RABEPK: variants seen among roughly 807,000 people sequenced by gnomAD.
The protein encoded by RABEPK is Rab9 effector protein with kelch motifs, also known as 40 kDa Rab9 effector protein.
In RABEPK, 27 loss-of-function variants were observed where a neutral mutation model predicts 34.1. The observed-to-expected ratio is 0.79, with a 90% CI of 0.58 to 1.09. RABEPK has a LOEUF of 1.09. Among genes scored for constraint, RABEPK ranks in the 50% least tolerant of loss-of-function variants. The pLI, the probability that RABEPK is intolerant of heterozygous loss-of-function variation, is 0.00. For synonymous variants in RABEPK, 172 were observed against 169.2 expected (o/e 1.02, Z -0.13); for missense variants, 449 against 462.6 (o/e 0.97, Z 0.27).
Position 125,220,639 on chromosome 9 carries a change from TG to T in RABEPK, c.470del (p.Gly157AlafsTer22). On this transcript the variant is annotated frameshift_variant, in exon 5 of 8. Coordinates refer to ENST00000373538, the MANE Select transcript of RABEPK (RefSeq NM_005833.4). LOFTEE classifies it high-confidence loss of function. ...CCATTGGAAACCAGCTATATGTCTT[TG>T]GGGGCGGAGAGAGAGGTGCCCAGCC... ...AAIGNQLYVF[G>X]GGERGAQPVQ... 1.2e-6 allele frequency: 2 copies of T among 1,614,152 alleles called. No individual in the cohort carries two copies. Among genetic ancestry groups the T allele is most frequent in the Non-Finnish European group, 1.7e-6 (2 of 1,180,026 alleles).
chr9:125,230,628 C>T (rs946126689), intron 6 of RABEPK, among the ~76,000 whole-genome samples: 5 of 151,524 alleles, frequency 3.3e-5, no homozygotes, highest in Admixed American at 6.6e-5. Context: ...CTCTGCCTCC[C>T]GGGTTCATGC....
At chr9:125,207,536 C>G (rs751058444) in intron 2 of RABEPK, 28 bp from the exon 3 acceptor site, 3 of 1,606,570 alleles carry the variant, frequency 1.9e-6, no homozygotes, top group Non-Finnish European at 2.6e-6. Context: ...TCTGCTCAGG[C>G]CTCCTGAATA....
chr9:125,223,692 T>C (rs1419127132), intron 5 of RABEPK, among the ~76,000 whole-genome samples: 1 of 135,680 alleles, frequency 7.4e-6, no homozygotes. Flanking sequence ...ACCACTGCAC[T>C]CCAGCCTTTG....
At chr9:125,216,716 A>G (rs1056335102) in intron 4 of RABEPK, among the ~76,000 whole-genome samples, 2 of 152,058 alleles carry the variant, frequency 1.3e-5, no homozygotes, top group African/African-American at 4.8e-5. Flanking sequence ...TAATCCCAAC[A>G]CTTTGGGAGG....
At chr9:125,213,574 C>T in intron 4 of RABEPK, 52 bp downstream of exon 4, 5 of 1,201,288 alleles carry the variant, frequency 4.2e-6, no homozygotes, top group Non-Finnish European at 6.0e-6. Context: ...AACTTTCATG[C>T]ACACACACAC....
chr9:125,212,016 A>G (rs1021981317), intron 3 of RABEPK, among the ~76,000 whole-genome samples: 2 of 152,300 alleles, frequency 1.3e-5, no homozygotes, highest in Non-Finnish European at 2.9e-5. Flanking sequence ...CTAGCCCTCA[A>G]TTACATTAAA....
chr9:125,233,640 C>A, intron 7 of RABEPK, 48 bp from the exon 8 acceptor site: 1 of 1,576,638 alleles, frequency 6.3e-7, no homozygotes, highest in Non-Finnish European at 8.6e-7. Context: ...CCGTGCCCGG[C>A]CTATCTGGAA....
Position 125,232,671 on chromosome 9 carries a change from T to C in RABEPK, c.752T>C (p.Met251Thr). ...AGCAAHSAVA[M>T]GKHVYIFGGM... ...TGTGCTGCCCACTCAGCTGTGGCCA[T>C]GGGAAAACATGTGTACATCTTTGGT... Residue 251 changes from methionine to threonine, a missense_variant, in exon 7 of 8, where the codon ATG (methionine) becomes ACG (threonine). Physicochemically the swap from Met to Thr is moderately conservative, Grantham distance 81 (BLOSUM62 -1). Coordinates refer to ENST00000373538, the MANE Select transcript of RABEPK (RefSeq NM_005833.4). The C allele has an allele frequency of 1.2e-6, 2 of 1,614,172 alleles. No homozygotes were observed. The highest frequency in any genetic ancestry group is 1.7e-6 in the Non-Finnish European group (2 of 1,180,006).
At chr9:125,213,789 G>A (rs949795376) in intron 4 of RABEPK, among the ~76,000 whole-genome samples, 4 of 152,152 alleles carry the variant, frequency 2.6e-5, no homozygotes, top group African/African-American at 9.7e-5. Flanking sequence ...TATATCAAGT[G>A]GGCTACTCAG....
chr9:125,216,530 T>C (rs1830937816), intron 4 of RABEPK, among the ~76,000 whole-genome samples: 1 of 152,182 alleles, frequency 6.6e-6, no homozygotes, highest in African/African-American at 2.4e-5. Context: ...TATGTTATCT[T>C]TTAATTTGAT....
chr9:125,215,033 G>T (rs1189918096), intron 4 of RABEPK, among the ~76,000 whole-genome samples: 4 of 151,628 alleles, frequency 2.6e-5, no homozygotes, highest in African/African-American at 7.3e-5. Flanking sequence ...CAGGTGATCC[G>T]CCCACCTCAG....
chr9:125,212,631 C>G (rs1351925622), intron 3 of RABEPK, among the ~76,000 whole-genome samples: 1 of 151,790 alleles, frequency 6.6e-6, no homozygotes, highest in Non-Finnish European at 1.5e-5. Flanking sequence ...TAGTCAGATA[C>G]AGGCGTGTTT....
At chr9:125,211,225 A>G (rs895795407) in intron 3 of RABEPK, among the ~76,000 whole-genome samples, 1 of 151,008 alleles carries the variant, frequency 6.6e-6, no homozygotes, top group African/African-American at 2.4e-5. Flanking sequence ...TGATAGGGCG[A>G]GACGCCATCT....
intron 1 of RABEPK, among the ~76,000 whole-genome samples, chr9:125,202,183 C>G (rs1829951941): frequency 6.6e-6 from 1 of 151,658 alleles, no homozygotes; most frequent in Non-Finnish European, 1.5e-5. Context: ...CCACTGCACT[C>G]CAGCCTGGGT....
rs756767597 is a variant in RABEPK at position 125,233,720 on chromosome 9, A to G, written c.859A>G (p.Thr287Ala). 1.2e-6 allele frequency: 2 copies of G among 1,613,472 alleles called. No homozygotes were observed. The highest frequency in any genetic ancestry group is 2.2e-5 in the South Asian group (2 of 91,050). ...GCATTGGACCTTGCTTAAATTTGAT[A>G]CTCTTCTACCCCCTGGACGATTGGA... is the stretch of plus-strand genomic sequence containing the variant. ...EQHWTLLKFD[T>A]LLPPGRLDHS... The change falls in exon 8 of 8, where the codon ACT (threonine) becomes GCT (alanine). Residue 287 changes from threonine to alanine, a missense_variant. Transcript: ENST00000373538.
At chr9:125,228,148 G>T in intron 6 of RABEPK, 89 bp downstream of exon 6, 1 of 1,177,518 alleles carries the variant, frequency 8.5e-7, no homozygotes, top group African/African-American at 1.6e-5. Context: ...TGTCACTCAG[G>T]CTGGAGTGCG....
intron 6 of RABEPK, among the ~76,000 whole-genome samples, chr9:125,232,243 CACAGAG>C (rs1226196938): frequency 9.2e-6 from 1 of 108,608 alleles, no homozygotes; most frequent in Non-Finnish European, 2.1e-5. Context: ...CACACACACA[CACAGAG>C]ACAGAGAGAG....
Position 125,234,000 on chromosome 9 carries a change from A to G in RABEPK, c.*20A>G. On this transcript the variant is annotated 3_prime_UTR_variant, in exon 8 of 8. Transcript: ENST00000373538. ...GACTAATAAAACCCACATTTTTATT[A>G]CCTGTCAGTTACTTTCAGAATAGTT... 6.4e-7 allele frequency: 1 copy of G among 1,555,984 alleles called. No homozygotes were observed. Among genetic ancestry groups the G allele is most frequent in the South Asian group, 1.1e-5 (1 of 87,702 alleles).
intron 4 of RABEPK, among the ~76,000 whole-genome samples, chr9:125,215,479 T>G (rs1398623181): frequency 6.6e-6 from 1 of 151,832 alleles, no homozygotes; most frequent in Non-Finnish European, 1.5e-5. Context: ...CTAGCTAATT[T>G]TTTTGTATTT....
Sources: allele counts gnomAD v4.1 joint callset (sites outside exome capture counted in the v4.1 genomes callset), GRCh38; gene constraint gnomAD v4.1.1; transcripts MANE v1.5; gene names NCBI Gene and HGNC (gene_info 2026-07-23, HGNC 2026-07-21).